Variants in IFI27L2 observed in about 807,000 individuals in gnomAD.
IFI27L2 encodes the protein interferon alpha inducible protein 27 like 2.
In IFI27L2, 8 loss-of-function variants were observed where a neutral mutation model predicts 7.9. The ratio of observed to expected loss-of-function variants is 1.02; its 90% CI spans 0.60 to 1.84. The LOEUF (loss-of-function observed/expected upper bound fraction) is 1.84. IFI27L2 is among the 40% of genes most tolerant of loss of function. The probability of loss-of-function intolerance (pLI) is 0.00; values close to 1 mark genes in which losing one functional copy is unlikely to be tolerated. For missense variants in IFI27L2, 190 were observed against 165.8 expected, an observed-to-expected ratio of 1.15 and a Z score of -0.80; for synonymous variants, 56 against 66.5, an observed-to-expected ratio of 0.84 and a Z score of 0.77.
chr14:94,129,501 G>T, intron 1 of IFI27L2, 57 bp downstream of exon 1: 1 of 1,551,504 alleles, frequency 6.4e-7, no homozygotes, highest in Non-Finnish European at 8.9e-7. Context: ...CTGGGCTGGG[G>T]TTGGGGAAGC....
chr14:94,128,478 T>C (rs546941946), intron 3 of IFI27L2, 36 bp downstream of exon 3: 1 of 1,605,656 alleles, frequency 6.2e-7, no homozygotes, highest in Admixed American at 1.7e-5. Context: ...GGCTGGATCT[T>C]CTCGCAGCTC....
At chr14:94,129,165 G>A (rs1028525536) in intron 2 of IFI27L2, 97 bp downstream of exon 2, 9 of 934,982 alleles carry the variant, frequency 9.6e-6, no homozygotes, top group African/African-American at 3.3e-5. Flanking sequence ...GGAAGTGGAG[G>A]GTGAGAGCCA....
Position 94,129,325 on chromosome 14 carries a change from G to A in IFI27L2, c.8-34C>T, listed in dbSNP as rs770564162. 10 of 1,368,574 alleles carry A rather than the reference G, an allele frequency of 7.3e-6. No homozygotes were observed. The South Asian group carries it at 1.1e-4, about 16-fold the overall frequency. 84.8% of individuals were successfully genotyped at this position (1,368,574 alleles called of 1,614,324 possible). On this transcript the variant is annotated intron_variant, in intron 1 of 3. Coordinates refer to ENST00000238609, the MANE Select transcript of IFI27L2 (RefSeq NM_032036.3). ...AGAGTGCCAGGGGAAGGCAGAGGGAGATGGGAAAGGGGAGAAAGAGGAGAG... is the reference window on the plus strand; with the variant it reads ...AGAGTGCCAGGGGAAGGCAGAGGGAAATGGGAAAGGGGAGAAAGAGGAGAG...
intron 3 of IFI27L2, among the ~76,000 whole-genome samples, 192 bp from the exon 4 acceptor site, chr14:94,128,184 C>G (rs779349928): frequency 6.6e-5 from 10 of 152,174 alleles, no homozygotes; most frequent in Non-Finnish European, 1.2e-4. Flanking sequence ...CAGACAGACC[C>G]TAAGAGCTAC....
In IFI27L2 at chr14:94,128,555, C is replaced by A. The variant is rs777656704; in HGVS notation, c.158G>T (p.Gly53Val). ...AGCCACCAGGCTCCCCGCAGAAACA[C>A]CACCCCCGTTGGCAATGGCTGCTGC... is the stretch of plus-strand genomic sequence containing the variant. ...MSAAAIANGG[G>V]VSAGSLVATL... Residue 53 changes from glycine to valine, a missense_variant, in exon 3 of 4, where the codon GGT becomes GTT. By Grantham distance (109) the Gly-to-Val change is moderately radical. Transcript: ENST00000238609. 4 of 1,614,210 alleles carry A rather than the reference C, an allele frequency of 2.5e-6. No individual in the cohort carries two copies. The highest frequency in any genetic ancestry group is 1.7e-5 in the Admixed American group (1 of 60,030).
intron 3 of IFI27L2, 124 bp downstream of exon 3, chr14:94,128,390 G>T: frequency 1.2e-6 from 1 of 823,436 alleles, no homozygotes; most frequent in Non-Finnish European, 2.0e-6. Context: ...GGGACAGTGA[G>T]GGAGAGACTG....
chr14:94,129,591 G>A lies in IFI27L2; in HGVS notation c.-27C>T. The A allele has an allele frequency of 6.2e-7, 1 of 1,613,202 alleles. No homozygotes were observed. The highest frequency in any genetic ancestry group is 8.5e-7 in the Non-Finnish European group (1 of 1,179,250). ...GTGAGGCCGTCCGGGTCCCAACTTG[G>A]CCCAGGAAATGACAGCGTTCTTGGG... On this transcript the variant is annotated 5_prime_UTR_variant, in exon 1 of 4. Coordinates refer to ENST00000238609, the MANE Select transcript of IFI27L2 (RefSeq NM_032036.3).
chr14:94,128,445 G>A, intron 3 of IFI27L2, 69 bp downstream of exon 3: 2 of 1,451,916 alleles, frequency 1.4e-6, no homozygotes, highest in Non-Finnish European at 1.9e-6. Context: ...GGTGAGAAGA[G>A]CTTCCCTCGG....
chr14:94,129,487 C>T (rs1887645833), intron 1 of IFI27L2, 71 bp downstream of exon 1: 1 of 1,454,270 alleles, frequency 6.9e-7, no homozygotes, highest in Non-Finnish European at 9.7e-7. Flanking sequence ...TTCCCTGTCC[C>T]TTCCTGGGCT....
rs1887627676 is a variant in IFI27L2, at chr14:94,128,600, A to G, written c.113T>C (p.Ile38Thr). 6.2e-7 allele frequency: 1 copy of G among 1,613,994 alleles called. No individual in the cohort carries two copies. Among genetic ancestry groups the G allele is most frequent in the African/African-American group, 1.3e-5 (1 of 74,938 alleles). ...TGCTGCGGACATCATCTTGGCTGCTATGGAGGACGCGGCGATTCCTGCCCC... is the reference window on the plus strand; with the variant it reads ...TGCTGCGGACATCATCTTGGCTGCTGTGGAGGACGCGGCGATTCCTGCCCC... ...FTGAGIAASS[I>T]AAKMMSAAAI... Residue 38 changes from isoleucine to threonine, a missense_variant, in exon 3 of 4, where the codon ATA becomes ACA. Physicochemically the swap from Ile to Thr is moderately conservative, Grantham distance 89 (BLOSUM62 -1). Transcript: ENST00000238609.
At chr14:94,128,784 G>A (rs1020684559) in intron 2 of IFI27L2, 109 bp from the exon 3 acceptor site, 6 of 901,066 alleles carry the variant, frequency 6.7e-6, no homozygotes, top group African/African-American at 1.7e-5. Context: ...GTCAGCTTGA[G>A]CAATACAGAG....
At position 94,129,311 on chromosome 14, in the gene IFI27L2, G is replaced by A. The variant is rs752635299; in HGVS notation, c.8-20C>T. 3 of 1,607,776 alleles carry A rather than the reference G, an allele frequency of 1.9e-6. No individual in the cohort carries two copies. The highest frequency in any genetic ancestry group is 2.2e-5 in the South Asian group (2 of 90,600). The stretch of plus-strand genomic sequence containing the variant: ...CCCGTTCTAGAGAGAGAGTGCCAGG[G>A]GAAGGCAGAGGGAGATGGGAAAGGG... On this transcript the variant is annotated intron_variant, in intron 1 of 3. Coordinates refer to ENST00000238609, the MANE Select transcript of IFI27L2 (RefSeq NM_032036.3).
intron 3 of IFI27L2, 140 bp from the exon 4 acceptor site, chr14:94,128,132 G>T (rs1740207095): frequency 8.0e-6 from 5 of 624,474 alleles, no homozygotes. Flanking sequence ...ACAGCTCAGG[G>T]GTGAATTCAC....
chr14:94,128,862 T>C, intron 2 of IFI27L2, 187 bp from the exon 3 acceptor site: 1 of 606,292 alleles, frequency 1.6e-6, no homozygotes, highest in South Asian at 2.0e-5. Context: ...AAAGATGTCA[T>C]AGAAGGACCA....
intron 2 of IFI27L2, 59 bp from the exon 3 acceptor site, chr14:94,128,734 C>G: frequency 1.4e-6 from 2 of 1,417,308 alleles, no homozygotes; most frequent in Non-Finnish European, 1.9e-6. Flanking sequence ...CCCTTCCCCC[C>G]GCCCCCCGCT....
At chr14:94,128,776 C>A in intron 2 of IFI27L2, 101 bp from the exon 3 acceptor site, 1 of 986,006 alleles carries the variant, frequency 1.0e-6, no homozygotes, top group South Asian at 1.5e-5. Flanking sequence ...CGGAGACTGT[C>A]AGCTTGAGCA....
chr14:94,127,870 C>T lies in IFI27L2; in HGVS notation c.322G>A (p.Glu108Lys), dbSNP rs1322867980. 1.9e-6 allele frequency: 3 copies of T among 1,614,036 alleles called. No homozygotes were observed. Among genetic ancestry groups the T allele is most frequent in the Middle Eastern group, 1.6e-4 (1 of 6,082 alleles). ...CCTTGGGGTACATTTTCTCTTGCCTCATCTTCTTTAGCCTCGGGTTCAGCT... is the reference window on the plus strand; with the variant it reads ...CCTTGGGGTACATTTTCTCTTGCCTTATCTTCTTTAGCCTCGGGTTCAGCT... ...LPAEPEAKED[E>K]ARENVPQGEP... The change falls in exon 4 of 4, where the codon GAG (glutamate) becomes AAG (lysine). Residue 108 changes from glutamate to lysine, a missense_variant. Physicochemically the swap from Glu to Lys is moderately conservative, Grantham distance 56. Coordinates refer to ENST00000238609, the MANE Select transcript of IFI27L2 (RefSeq NM_032036.3).
In IFI27L2 at chr14:94,127,992, C is replaced by T. The variant is rs751050966; in HGVS notation, c.200G>A (p.Gly67Glu). The T allele has an allele frequency of 6.2e-7, 1 of 1,609,324 alleles. No individual in the cohort carries two copies. Among genetic ancestry groups the T allele is most frequent in the South Asian group, 1.1e-5 (1 of 90,930 alleles). Residue 67 changes from glycine (G) to glutamate (E), a missense_variant and splice_region_variant, in exon 4 of 4, where the codon GGG becomes GAG. Coordinates refer to ENST00000238609, the MANE Select transcript of IFI27L2 (RefSeq NM_032036.3). ...GSLVATLQSVGAAGLSTSSNI... is the reference protein window; with the variant it reads ...GSLVATLQSVEAAGLSTSSNI... ...GGATGATGTGGAGAGTCCAGCTGCC[C>T]CTGTGGAGGAGACAGAGAATGAGCA...
At chr14:94,129,073 A>AT in intron 2 of IFI27L2, 189 bp downstream of exon 2, 1 of 599,146 alleles carries the variant, frequency 1.7e-6, no homozygotes, top group Non-Finnish European at 3.0e-6. Flanking sequence ...GGACTAGAAG[A>AT]GAAGCTGGGT....
Sources: gnomAD v4.1 joint callset for allele counts (sites outside exome capture counted in the v4.1 genomes callset) on GRCh38, gnomAD v4.1.1 for gene constraint, MANE v1.5 for transcripts, NCBI Gene and HGNC (gene_info 2026-07-23, HGNC 2026-07-21) for gene names.